Variants in HTR2C observed in about 807,000 individuals in gnomAD.
The protein encoded by HTR2C is 5-hydroxytryptamine receptor 2C, also known as 5-hydroxytryptamine (serotonin) receptor 2C, G protein-coupled.
In HTR2C, 5 loss-of-function variants were observed where a neutral mutation model predicts 21.0. The ratio of observed to expected loss-of-function variants is 0.24; its 90% CI spans 0.12 to 0.50. The LOEUF (loss-of-function observed/expected upper bound fraction) is 0.50. HTR2C is among the 20% of genes least tolerant of loss of function. The probability of loss-of-function intolerance (pLI) is 0.98; values close to 1 mark genes in which losing one functional copy is unlikely to be tolerated. For synonymous variants in HTR2C, 150 were observed against 145.3 expected, an observed-to-expected ratio of 1.03 and a Z score of -0.23; for missense variants, 271 against 371.2, an observed-to-expected ratio of 0.73 and a Z score of 2.22.
intron 2 of HTR2C, among the ~76,000 whole-genome samples, chrX:114,629,260 T>A (rs956502555): frequency 8.9e-5 from 10 of 111,966 alleles, no homozygotes; most frequent in African/African-American, 3.2e-4. Context: ...CCCTTTAATA[T>A]CTGGAGTACA....
At chrX:114,870,894 T>A (rs1054153691) in intron 5 of HTR2C, among the ~76,000 whole-genome samples, 1 of 111,979 alleles carries the variant, frequency 8.9e-6, no homozygotes, top group Non-Finnish European at 1.9e-5. Context: ...ATCTTACTAT[T>A]TTTTAATTTC....
chrX:114,623,223 G>A (rs1393843766), intron 2 of HTR2C, among the ~76,000 whole-genome samples: 2 of 112,008 alleles, frequency 1.8e-5, no homozygotes, highest in South Asian at 3.7e-4. Flanking sequence ...GGGCTTAAGC[G>A]AGTTATCCAC....
chrX:114,810,641 T>C (rs782038604), intron 4 of HTR2C, among the ~76,000 whole-genome samples: 46 of 109,651 alleles, frequency 4.2e-4, no homozygotes, highest in Non-Finnish European at 6.3e-4. Context: ...GATGGGGCAG[T>C]GGTGGTGGTG....
At chrX:114,728,028 A>G (rs1397662316) in intron 3 of HTR2C, among the ~76,000 whole-genome samples, 1 of 112,159 alleles carries the variant, frequency 8.9e-6, no homozygotes, top group Non-Finnish European at 1.9e-5. Context: ...CGTAAAGGGC[A>G]CCAAATTATT....
intron 5 of HTR2C, among the ~76,000 whole-genome samples, chrX:114,881,917 T>G (rs1475729694): frequency 9.1e-6 from 1 of 110,360 alleles, no homozygotes; most frequent in African/African-American, 3.3e-5. Context: ...TTTTGTTGAG[T>G]TTTTAGGTAA....
chrX:114,805,280 G>A (rs1446544397), intron 4 of HTR2C, among the ~76,000 whole-genome samples: 1 of 109,165 alleles, frequency 9.2e-6, no homozygotes, highest in Non-Finnish European at 1.9e-5. Context: ...CTGTTTCTCA[G>A]GCTGTAGACA....
At chrX:114,596,374 C>T (rs782256900) in intron 1 of HTR2C, among the ~76,000 whole-genome samples, 4 of 112,065 alleles carry the variant, frequency 3.6e-5, no homozygotes, top group South Asian at 7.4e-4. Context: ...ATATCAATAA[C>T]GTAAATGCTG....
At chrX:114,791,176 A>G (rs961935333) in intron 4 of HTR2C, among the ~76,000 whole-genome samples, 11 of 112,858 alleles carry the variant, frequency 9.7e-5, no homozygotes, top group African/African-American at 3.5e-4. Flanking sequence ...ATACATAATA[A>G]TAATTCAATC....
chrX:114,689,447 T>C (rs1556414818), intron 2 of HTR2C, among the ~76,000 whole-genome samples: 2 of 110,018 alleles, frequency 1.8e-5, no homozygotes, highest in Non-Finnish European at 3.8e-5. Context: ...TTTTCCATAG[T>C]GGTCGTACTA....
At chrX:114,812,540 G>C (rs898822588) in intron 4 of HTR2C, among the ~76,000 whole-genome samples, 1 of 110,267 alleles carries the variant, frequency 9.1e-6, no homozygotes. Flanking sequence ...GACCAGCCTG[G>C]CCAACATGGT....
chrX:114,588,633 G>T (rs1927503008), intron 1 of HTR2C, among the ~76,000 whole-genome samples: 1 of 56,919 alleles, frequency 1.8e-5, no homozygotes, highest in Admixed American at 1.9e-4. Context: ...CATAAAACAT[G>T]ATGTCTTCTT....
At chrX:114,827,930 T>A (rs1306963221) in intron 4 of HTR2C, among the ~76,000 whole-genome samples, 1 of 110,999 alleles carries the variant, frequency 9.0e-6, no homozygotes, top group East Asian at 2.8e-4. Flanking sequence ...AGGTATGATT[T>A]TTTTTTTGGT....
chrX:114,819,648 A>T (rs2070614464), intron 4 of HTR2C, among the ~76,000 whole-genome samples: 1 of 112,730 alleles, frequency 8.9e-6, no homozygotes, highest in African/African-American at 3.2e-5. Flanking sequence ...CAATCTCCGT[A>T]AGCCAGCCAG....
At chrX:114,893,016 G>A (rs1023833478) in intron 5 of HTR2C, among the ~76,000 whole-genome samples, 3 of 108,686 alleles carry the variant, frequency 2.8e-5, no homozygotes, top group Non-Finnish European at 3.8e-5. Flanking sequence ...GGGTTCCAGC[G>A]ATTCTCCTGC....
chrX:114,779,676 CT>C, intron 4 of HTR2C, among the ~76,000 whole-genome samples: 1 of 112,106 alleles, frequency 8.9e-6, no homozygotes, highest in South Asian at 3.7e-4. Context: ...TAGTCAGGTA[CT>C]AGCAGCTATC....
chrX:114,816,219 A>G (rs782462978), intron 4 of HTR2C, among the ~76,000 whole-genome samples: 2 of 107,434 alleles, frequency 1.9e-5, no homozygotes, highest in African/African-American at 7.2e-5. Context: ...GGATGGAATC[A>G]TAACTTTGAA....
chrX:114,606,740 C>G (rs1409184279), intron 1 of HTR2C, among the ~76,000 whole-genome samples: 1 of 111,689 alleles, frequency 9.0e-6, no homozygotes, highest in South Asian at 3.8e-4. Context: ...AGCAGGAGGA[C>G]AGGGGATTGA....
chrX:114,853,891 G>A (rs990167136), intron 5 of HTR2C, among the ~76,000 whole-genome samples: 1 of 111,240 alleles, frequency 9.0e-6, no homozygotes, highest in South Asian at 3.7e-4. Context: ...TTTTGACAGG[G>A]ATCTCCTTAA....
chrX:114,605,260 G>A (rs371564795), intron 1 of HTR2C, among the ~76,000 whole-genome samples: 1 of 112,178 alleles, frequency 8.9e-6, no homozygotes, highest in Non-Finnish European at 1.9e-5. Context: ...ACTGTAAGCC[G>A]GACCAGGTGT....
Sources: allele counts gnomAD v4.1 joint callset (sites outside exome capture counted in the v4.1 genomes callset), GRCh38; gene constraint gnomAD v4.1.1; transcripts MANE v1.5; gene names NCBI Gene and HGNC (gene_info 2026-07-23, HGNC 2026-07-21).